The following TANC1 variants were observed in gnomAD, a reference collection of about 807,000 sequenced individuals.
The protein encoded by TANC1 is tetratricopeptide repeat, ankyrin repeat and coiled-coil containing 1, also known as protein TANC1.
A neutral mutation model predicts 149.7 loss-of-function variants in TANC1; 77 were observed. The observed-to-expected ratio is 0.51, with a 90% CI of 0.43 to 0.62. The LOEUF is 0.62. Among genes scored for constraint, TANC1 ranks in the 20% least tolerant of loss-of-function variants. The pLI is 0.00. For synonymous variants in TANC1, 854 were observed against 925.0 expected, an observed-to-expected ratio of 0.92 and a Z score of 1.39; for missense variants, 1,985 against 2,321.8, an observed-to-expected ratio of 0.85 and a Z score of 2.98.
At chr2:159,219,433 CT>C (rs980220566) in intron 21 of TANC1, 72 bp downstream of exon 21, 2 of 1,583,574 alleles carry the variant, frequency 1.3e-6, no homozygotes, top group Non-Finnish European at 1.7e-6. Context: ...CCATTCAGTG[CT>C]TTCTGATTCA....
chr2:159,207,656 G>A (rs184375466), intron 19 of TANC1, among the ~76,000 whole-genome samples: 57 of 119,456 alleles, frequency 4.8e-4, no homozygotes, highest in East Asian at 3.5e-3. Flanking sequence ...CCGAGATCGC[G>A]CCACTGTACT....
chr2:159,031,056 C>T (rs1056934062), intron 2 of TANC1, among the ~76,000 whole-genome samples: 2 of 152,170 alleles, frequency 1.3e-5, no homozygotes, highest in Admixed American at 6.5e-5. Context: ...GGCAGCTCCT[C>T]AGCCCCTGAG....
intron 20 of TANC1, 56 bp downstream of exon 20, chr2:159,217,686 A>G (rs2059434511): frequency 3.1e-6 from 5 of 1,595,266 alleles, no homozygotes; most frequent in Middle Eastern, 2.2e-4. Context: ...GGAGTTCACT[A>G]TTGCCTGGCT....
chr2:159,109,025 T>C (rs573762802), intron 4 of TANC1, among the ~76,000 whole-genome samples: 1 of 152,360 alleles, frequency 6.6e-6, no homozygotes, highest in African/African-American at 2.4e-5. Context: ...ATTTTCTTGT[T>C]ACTTCCACCA....
At chr2:158,993,258 T>C (rs982656336) in intron 1 of TANC1, among the ~76,000 whole-genome samples, 1 of 152,086 alleles carries the variant, frequency 6.6e-6, no homozygotes, top group African/African-American at 2.4e-5. Context: ...TTGTTTTGTT[T>C]TTTGTTCTGT....
In TANC1 at chr2:159,206,845, G is replaced by A. The variant is rs544774270; in HGVS notation, c.3244+7792G>A. Among the ~76,000 whole-genome samples, 27 of 152,196 alleles carry A rather than the reference G, an allele frequency of 1.8e-4. No homozygotes were observed. The South Asian group carries it at 2.3e-3, about 13-fold the overall frequency. On this transcript the variant is annotated intron_variant, in intron 19 of 26. Coordinates refer to ENST00000263635, the MANE Select transcript of TANC1 (RefSeq NM_033394.3). ...CCTCAGCACAAGCTTAGCCCTTACCGAGAGGAGAGAGAGAACCTTATGCCT... is the reference window on the plus strand; with the variant it reads ...CCTCAGCACAAGCTTAGCCCTTACCAAGAGGAGAGAGAGAACCTTATGCCT...
intron 10 of TANC1, among the ~76,000 whole-genome samples, chr2:159,171,322 GAT>G (rs2055181313): frequency 6.6e-6 from 1 of 152,194 alleles, no homozygotes; most frequent in Non-Finnish European, 1.5e-5. Context: ...AATCATGCGA[GAT>G]TTTTAAGACA....
intron 16 of TANC1, among the ~76,000 whole-genome samples, chr2:159,192,674 G>A (rs1411731474): frequency 6.6e-6 from 1 of 152,186 alleles, no homozygotes; most frequent in Admixed American, 6.5e-5. Context: ...TTTTGAGACG[G>A]AGTCTTGCTC....
chr2:159,072,388 G>A (rs989816564), intron 3 of TANC1, among the ~76,000 whole-genome samples: 1 of 152,204 alleles, frequency 6.6e-6, no homozygotes, highest in African/African-American at 2.4e-5. Context: ...TCAAGAAAAA[G>A]CATGGACTTT....
intron 6 of TANC1, chr2:159,149,772 C>T: frequency 5.4e-6 from 1 of 186,042 alleles, no homozygotes; most frequent in Non-Finnish European, 1.1e-5. Context: ...GCAGCATGCA[C>T]CCTGCCACCT....
At chr2:159,047,194 C>T (rs927311435) in intron 2 of TANC1, among the ~76,000 whole-genome samples, 2 of 150,812 alleles carry the variant, frequency 1.3e-5, no homozygotes, top group African/African-American at 4.9e-5. Context: ...CATTTCCCCC[C>T]CCCAGTTATT....
At chr2:159,009,352 G>A (rs754926756) in intron 2 of TANC1, among the ~76,000 whole-genome samples, 1 of 152,070 alleles carries the variant, frequency 6.6e-6, no homozygotes, top group East Asian at 1.9e-4. Context: ...TCAAGATATG[G>A]AATCAACTTA....
At chr2:159,177,711 A>G (rs1448663803) in intron 13 of TANC1, among the ~76,000 whole-genome samples, 1 of 152,232 alleles carries the variant, frequency 6.6e-6, no homozygotes, top group Non-Finnish European at 1.5e-5. Flanking sequence ...TTAAATGAGC[A>G]CGTGCATTTA....
intron 3 of TANC1, among the ~76,000 whole-genome samples, chr2:159,066,415 T>TA (rs752419241): frequency 1.3e-5 from 2 of 151,892 alleles, no homozygotes; most frequent in Non-Finnish European, 2.9e-5. Flanking sequence ...CCCTGTCTCT[T>TA]AAAAAAGAAA....
chr2:159,198,993 G>C lies in TANC1; in HGVS notation c.3184G>C (p.Gly1062Arg). ...GHSSVVQCLL[G>R]MEKEHEVEVN... is the part of the protein sequence containing the mutation. ...CTGACAGGTGGTCCAGTGCTTGCTG[G>C]GGATGGAGAAGGAACATGAAGTAGA... Residue 1062 changes from glycine (G) to arginine (R), a missense_variant, in exon 19 of 27, where the codon GGG becomes CGG. By Grantham distance (125) the Gly-to-Arg change is moderately radical. Transcript: ENST00000263635. 5 of 1,613,982 alleles carry C rather than the reference G, an allele frequency of 3.1e-6. No individual in the cohort carries two copies. The highest frequency in any genetic ancestry group is 4.2e-6 in the Non-Finnish European group (5 of 1,179,924).
At chr2:159,008,431 G>A (rs2037434980) in intron 2 of TANC1, among the ~76,000 whole-genome samples, 2 of 152,188 alleles carry the variant, frequency 1.3e-5, no homozygotes, top group Admixed American at 1.3e-4. Context: ...GCAGGCATAG[G>A]TTTGCTGCTA....
chr2:159,110,745 T>C (rs1574729843), intron 4 of TANC1, among the ~76,000 whole-genome samples: 1 of 152,350 alleles, frequency 6.6e-6, no homozygotes, highest in South Asian at 2.1e-4. Flanking sequence ...CTGGAGCCCA[T>C]CTTCAGCTTC....
chr2:159,210,135 T>A (rs2058884568), intron 19 of TANC1, among the ~76,000 whole-genome samples: 1 of 152,164 alleles, frequency 6.6e-6, no homozygotes, highest in Non-Finnish European at 1.5e-5. Context: ...GGTACTCAGT[T>A]CCAGTTTGCA....
At chr2:159,099,881 T>C (rs2046501129) in intron 4 of TANC1, among the ~76,000 whole-genome samples, 1 of 152,198 alleles carries the variant, frequency 6.6e-6, no homozygotes, top group African/African-American at 2.4e-5. Context: ...TTTCCCTAAC[T>C]GCAAAATCCT....
Sources: allele counts gnomAD v4.1 joint callset (sites outside exome capture counted in the v4.1 genomes callset), GRCh38; gene constraint gnomAD v4.1.1; transcripts MANE v1.5; gene names NCBI Gene and HGNC (gene_info 2026-07-23, HGNC 2026-07-21).